Variants in CD163L1 observed in about 807,000 individuals in gnomAD.
CD163L1 encodes scavenger receptor cysteine-rich type 1 protein M160.
In CD163L1, 124 loss-of-function variants were observed where a neutral mutation model predicts 165.4. The observed-to-expected ratio is 0.75, with a 90% CI of 0.65 to 0.87. The LOEUF (loss-of-function observed/expected upper bound fraction) is 0.87. CD163L1 is among the 40% of genes least tolerant of loss of function. The pLI is 0.00. For missense variants in CD163L1, 1,525 were observed against 1,799.9 expected (o/e 0.85, Z 2.76); for synonymous variants, 585 against 662.2 (o/e 0.88, Z 1.79).
At chr12:7,385,903 G>T (rs2136461733) in intron 8 of CD163L1, among the ~76,000 whole-genome samples, 2 of 151,982 alleles carry the variant, frequency 1.3e-5, no homozygotes, top group African/African-American at 4.8e-5. Flanking sequence ...AAAGTAGAAA[G>T]ATTTCAAATA....
At chr12:7,439,083 C>T in intron 2 of CD163L1, 24 of 1,581,604 alleles carry the variant, frequency 1.5e-5, no homozygotes, top group Non-Finnish European at 2.1e-5. Flanking sequence ...TGCTCCAGCC[C>T]TGTGTCCTGC....
chr12:7,391,302 T>G (rs1240901325), intron 8 of CD163L1, among the ~76,000 whole-genome samples: 1 of 151,848 alleles, frequency 6.6e-6, no homozygotes, highest in Non-Finnish European at 1.5e-5. Flanking sequence ...AAAACCAGAG[T>G]GCCTCTTCTC....
chr12:7,336,999 G>T, the CD163L1 span, among the ~76,000 whole-genome samples: 20 of 151,910 alleles, frequency 1.3e-4, no homozygotes, highest in Admixed American at 4.6e-4. Context: ...CAGGAGAGAG[G>T]CCTCAGAAAT....
chr12:7,390,252 GT>G (rs1174915736), intron 8 of CD163L1, among the ~76,000 whole-genome samples: 1 of 151,902 alleles, frequency 6.6e-6, no homozygotes, highest in Non-Finnish European at 1.5e-5. Context: ...CAAACATACA[GT>G]TAAACAGAAG....
chr12:7,409,935 C>T (rs1448461163), intron 4 of CD163L1, among the ~76,000 whole-genome samples: 1 of 152,026 alleles, frequency 6.6e-6, no homozygotes, highest in African/African-American at 2.4e-5. Flanking sequence ...AAAAAAGACA[C>T]AATCAACAGG....
At chr12:7,330,772 C>T in the CD163L1 span, among the ~76,000 whole-genome samples, 1 of 152,208 alleles carries the variant, frequency 6.6e-6, no homozygotes, top group African/African-American at 2.4e-5. Context: ...CAAGTGGCTA[C>T]AAAAACATTT....
At chr12:7,353,335 G>C (rs1175331420), downstream of CD163L1, among the ~76,000 whole-genome samples, 1 of 151,854 alleles carries the variant, frequency 6.6e-6, no homozygotes, top group South Asian at 2.1e-4. Context: ...AGGCACAGAA[G>C]AATAGAGAAA....
At chr12:7,383,832 C>G (rs966385681) in intron 8 of CD163L1, among the ~76,000 whole-genome samples, 5 of 152,210 alleles carry the variant, frequency 3.3e-5, no homozygotes, top group South Asian at 4.1e-4. Flanking sequence ...TCTATGAAAG[C>G]CAACCCCAAA....
Position 7,404,377 on chromosome 12 carries a change from A to G in CD163L1, c.1088-522T>C, listed in dbSNP as rs114545351. Among the ~76,000 whole-genome samples, 912 of 152,308 alleles carry G rather than the reference A, an allele frequency of 6.0e-3. 13 individuals are homozygous for G. The highest frequency in any genetic ancestry group is 0.021 in the African/African-American group (882 of 41,572). On this transcript the variant is annotated intron_variant, in intron 5 of 19. Transcript: ENST00000313599. ...TAAATAGAAATATGTTCTTTCTCATACTGTTTTCTACGAAGAAGCAAGCCT... is the reference window on the plus strand; with the variant it reads ...TAAATAGAAATATGTTCTTTCTCATGCTGTTTTCTACGAAGAAGCAAGCCT...
downstream of CD163L1, among the ~76,000 whole-genome samples, chr12:7,345,626 A>C (rs759980669): frequency 2.2e-4 from 33 of 152,106 alleles, no homozygotes; most frequent in Non-Finnish European, 4.3e-4. Context: ...TGTTTCCATA[A>C]TTTCAAGCAC....
Position 7,444,104 on chromosome 12 carries a change from C to T in CD163L1, c.24G>A (p.Trp8Ter). The T allele has an allele frequency of 6.2e-7, 1 of 1,613,808 alleles. No homozygotes were observed. The highest frequency in any genetic ancestry group is 1.7e-5 in the Admixed American group (1 of 60,022). The change falls in exon 1 of 20, where the codon TGG (tryptophan) becomes TGA (stop). Residue 8 changes from tryptophan to a stop codon, truncating the protein, a stop_gained. Transcript: ENST00000313599. LOFTEE classifies it high-confidence loss of function. The part of the protein sequence containing the change: MMLPQNS[W>*]HIDFGRCCCH... The stretch of plus-strand genomic sequence containing the variant: ...ATAAAAGCAAAACCTTACCAATATG[C>T]CACGAGTTTTGAGGCAGCATCATTA...
intron 4 of CD163L1, among the ~76,000 whole-genome samples, chr12:7,419,277 T>C (rs763527102): frequency 6.6e-6 from 1 of 151,988 alleles, no homozygotes; most frequent in Non-Finnish European, 1.5e-5. Flanking sequence ...GATCAACAGA[T>C]GCAGAAAAAG....
rs186284439 is a variant in CD163L1 at position 7,398,760 on chromosome 12, G to A, written c.1409-176C>T. On this transcript the variant is annotated intron_variant, in intron 6 of 19. Coordinates refer to ENST00000313599, the MANE Select transcript of CD163L1 (RefSeq NM_174941.6). This position sits in a 1 kb window ranked among gnomAD's most constrained non-coding sequence, Gnocchi z 4.5. ...TTTGACAATTTTTTATTCAATTTTT[G>A]GAGAGAAGGTGTCTCTAAAGCATGA... is the stretch of plus-strand genomic sequence containing the variant. Among the ~76,000 whole-genome samples, 7 of 152,236 alleles carry A rather than the reference G, an allele frequency of 4.6e-5. No individual in the cohort carries two copies. Among genetic ancestry groups the A allele is most frequent in the Admixed American group, 4.6e-4 (7 of 15,288 alleles).
chr12:7,382,025 T>C (rs988553112), intron 8 of CD163L1, among the ~76,000 whole-genome samples: 1 of 148,000 alleles, frequency 6.8e-6, no homozygotes, highest in East Asian at 1.9e-4. Flanking sequence ...TGGTTTTATA[T>C]AGAATTGTTT....
At chr12:7,387,928 G>C (rs139403607) in intron 8 of CD163L1, among the ~76,000 whole-genome samples, 1 of 152,220 alleles carries the variant, frequency 6.6e-6, no homozygotes, top group East Asian at 1.9e-4. Context: ...GTATGAAACA[G>C]ACACATGGAC....
At chr12:7,399,381 TTC>T (rs1337736475) in intron 6 of CD163L1, among the ~76,000 whole-genome samples, 1 of 149,262 alleles carries the variant, frequency 6.7e-6, no homozygotes, top group Non-Finnish European at 1.5e-5. Context: ...TTTCTCTGAC[TTC>T]TTTCTTTTTC....
Position 7,432,494 on chromosome 12 carries a change from C to T in CD163L1, c.688G>A (p.Ala230Thr), listed in dbSNP as rs1948646681. 1 of 1,614,010 alleles carries T rather than the reference C, an allele frequency of 6.2e-7. No homozygotes were observed. Among genetic ancestry groups the T allele is most frequent in the Admixed American group, 1.7e-5 (1 of 60,012 alleles). ...DDILCQGNEL[A>T]LWNCRHRGWG... is the part of the protein sequence containing the mutation. ...CCACGATGTCTGCAATTCCAGAGTG[C>T]CAACTCATTCCCCTGGCATAAAATG... Residue 230 changes from alanine to threonine, a missense_variant, in exon 4 of 20, where the codon GCA becomes ACA. Transcript: ENST00000313599. The surrounding 1 kb of genome is among the most constrained non-coding windows in gnomAD (Gnocchi z 4.2).
intron 4 of CD163L1, among the ~76,000 whole-genome samples, chr12:7,425,009 A>G (rs1462619249): frequency 6.6e-6 from 1 of 152,212 alleles, no homozygotes; most frequent in African/African-American, 2.4e-5. Flanking sequence ...TGGAACCAAA[A>G]AAGAGCCCAT....
chr12:7,357,443 C>A lies in CD163L1; in HGVS notation c.4323G>T (p.Ser1441=), dbSNP rs752862056. The change falls in exon 19 of 20, where the codon TCG becomes TCT. Residue 1441 remains serine, a synonymous_variant. Coordinates refer to ENST00000313599, the MANE Select transcript of CD163L1 (RefSeq NM_174941.6). ...CAGAGGCAGGAAGAACTCCCAACAG[C>A]GATGTGTCGCTAGCATCTTCACAAC... ...NHGCEDASDT[S]LLGVLPASEA... 9 of 1,612,590 alleles carry A rather than the reference C, an allele frequency of 5.6e-6. No individual in the cohort carries two copies. The highest frequency in any genetic ancestry group is 2.7e-5 in the African/African-American group (2 of 74,954).
Sources: allele counts gnomAD v4.1 joint callset (sites outside exome capture counted in the v4.1 genomes callset), GRCh38; gene constraint gnomAD v4.1.1; non-coding constraint Gnocchi (gnomAD v3.1); transcripts MANE v1.5; gene names NCBI Gene and HGNC (gene_info 2026-07-23, HGNC 2026-07-21).